NFATC3: variants seen among roughly 807,000 people sequenced by gnomAD.
NFATC3 encodes the protein nuclear factor of activated T cells 3.
Under a neutral mutation model 98.6 loss-of-function variants are expected in NFATC3, and 46 were observed. That is an observed-to-expected ratio of 0.47 (90% CI 0.37 to 0.60). The LOEUF is 0.60. Among genes scored for constraint, NFATC3 ranks in the 20% least tolerant of loss-of-function variants. The pLI is 0.00. For missense variants in NFATC3, 1,256 were observed against 1,295.5 expected, an observed-to-expected ratio of 0.97 and a Z score of 0.47; for synonymous variants, 512 against 472.2, an observed-to-expected ratio of 1.08 and a Z score of -1.09.
At chr16:68,141,849 A>G (rs998003910) in intron 3 of NFATC3, among the ~76,000 whole-genome samples, 3 of 151,824 alleles carry the variant, frequency 2.0e-5, no homozygotes, top group African/African-American at 7.3e-5. Flanking sequence ...GTTTTGTTAC[A>G]TTTGTTTTTG....
intron 1 of NFATC3, among the ~76,000 whole-genome samples, chr16:68,119,653 A>G (rs149467156): frequency 2.5e-4 from 38 of 152,238 alleles, no homozygotes; most frequent in African/African-American, 8.9e-4. Flanking sequence ...TTCTTCTGCT[A>G]TTTCCTCAAG....
chr16:68,161,458 AC>A (rs2038889699), intron 4 of NFATC3, among the ~76,000 whole-genome samples: 1 of 152,160 alleles, frequency 6.6e-6, no homozygotes, highest in Admixed American at 6.5e-5. Context: ...AATCTGAAAA[AC>A]CACTATTAAA....
At chr16:68,139,765 TA>T (rs2037646743) in intron 3 of NFATC3, among the ~76,000 whole-genome samples, 1 of 152,208 alleles carries the variant, frequency 6.6e-6, no homozygotes, top group African/African-American at 2.4e-5. Context: ...AGCAGTTTGC[TA>T]ATGTAGCTGG....
chr16:68,108,543 T>C (rs1479747527), intron 1 of NFATC3, among the ~76,000 whole-genome samples: 1 of 152,240 alleles, frequency 6.6e-6, no homozygotes. Flanking sequence ...TTGCTTAAGA[T>C]TGTTTTAGCT....
chr16:68,172,122 C>T (rs1042625615), intron 5 of NFATC3, among the ~76,000 whole-genome samples: 17 of 152,144 alleles, frequency 1.1e-4, no homozygotes, highest in Non-Finnish European at 1.9e-4. Context: ...CGTGAGCCAC[C>T]GCGCCTGGCC....
rs1222118290 is a variant in NFATC3, at chr16:68,226,867, A to G, written c.*396A>G. On this transcript the variant is annotated 3_prime_UTR_variant, in exon 10 of 10. Transcript: ENST00000346183. ...TTTAGTTTTTATGATAATTTTTAAA[A>G]TAGGAACTTTTGATAAGACCTTCTA... 6.9e-6 allele frequency: 1 copy of G among 144,800 alleles called. No individual in the cohort carries two copies. Among genetic ancestry groups the G allele is most frequent in the East Asian group, 2.1e-4 (1 of 4,746 alleles). 9.0% of individuals were successfully genotyped at this position (144,800 alleles called of 1,614,324 possible).
Position 68,110,399 on chromosome 16 carries a change from C to T in NFATC3, c.104-11588C>T, listed in dbSNP as rs184797539. Among the ~76,000 whole-genome samples, 247 of 151,500 alleles carry T rather than the reference C, an allele frequency of 1.6e-3. 1 individual carries two copies. The highest frequency in any genetic ancestry group is 6.8e-3 in the Middle Eastern group (2 of 294). On this transcript the variant is annotated intron_variant, in intron 1 of 9. Transcript: ENST00000346183. Reference sequence around the variant, plus strand: ...TCTCGGCTCACTGTAAGCTCCGCCTCCCGGGTTCATGCCATTCTCCTGCCT... The same window carrying T: ...TCTCGGCTCACTGTAAGCTCCGCCTTCCGGGTTCATGCCATTCTCCTGCCT...
At chr16:68,204,719 A>G (rs2041069893) in intron 9 of NFATC3, among the ~76,000 whole-genome samples, 1 of 152,242 alleles carries the variant, frequency 6.6e-6, no homozygotes, top group Admixed American at 6.5e-5. Flanking sequence ...CATGTGTAAG[A>G]TAGCAAAACC....
intron 3 of NFATC3, among the ~76,000 whole-genome samples, chr16:68,151,807 G>T (rs574825663): frequency 6.6e-6 from 1 of 152,072 alleles, no homozygotes; most frequent in Admixed American, 6.6e-5. Flanking sequence ...AGTGGCTCAC[G>T]CCTGTAATCC....
At chr16:68,117,682 T>C (rs886998237) in intron 1 of NFATC3, among the ~76,000 whole-genome samples, 1 of 152,084 alleles carries the variant, frequency 6.6e-6, no homozygotes, top group Non-Finnish European at 1.5e-5. Context: ...CTGGCTACTT[T>C]TTGTATTTTT....
intron 3 of NFATC3, among the ~76,000 whole-genome samples, chr16:68,143,624 A>C (rs1271184116): frequency 6.6e-6 from 1 of 152,174 alleles, no homozygotes; most frequent in Admixed American, 6.5e-5. Flanking sequence ...TGAGGCGGGC[A>C]GATGACCTGA....
intron 9 of NFATC3, among the ~76,000 whole-genome samples, chr16:68,224,126 TAAAAAAAAA>T (rs1174161190): frequency 2.8e-5 from 2 of 72,494 alleles, no homozygotes; most frequent in Admixed American, 1.4e-4. Context: ...TGCACCAGTT[TAAAAAAAAA>T]AAAAAAAAAA....
chr16:68,145,352 A>G (rs1003899910), intron 3 of NFATC3, among the ~76,000 whole-genome samples: 6 of 152,038 alleles, frequency 3.9e-5, no homozygotes, highest in African/African-American at 1.4e-4. Context: ...CATCTTGTCC[A>G]GGCAGGCTGG....
At chr16:68,187,506 A>C (rs548005624) in intron 8 of NFATC3, among the ~76,000 whole-genome samples, 1 of 152,128 alleles carries the variant, frequency 6.6e-6, no homozygotes, top group African/African-American at 2.4e-5. Flanking sequence ...TTTGAGCAAT[A>C]GAAGAGCTCA....
intron 1 of NFATC3, among the ~76,000 whole-genome samples, chr16:68,103,752 T>G (rs2035494603): frequency 6.6e-6 from 1 of 152,244 alleles, no homozygotes; most frequent in East Asian, 1.9e-4. Flanking sequence ...AACTTCATTC[T>G]TTTGCATGTG....
intron 9 of NFATC3, among the ~76,000 whole-genome samples, chr16:68,204,993 CTTTTTTTTT>C (rs993093946): frequency 1.6e-5 from 2 of 121,248 alleles, no homozygotes; most frequent in African/African-American, 6.1e-5. Flanking sequence ...ATGCCTGGCT[CTTTTTTTTT>C]TTTTTTTTTA....
chr16:68,187,117 C>T (rs578048977), intron 8 of NFATC3, among the ~76,000 whole-genome samples: 25 of 152,334 alleles, frequency 1.6e-4, no homozygotes, highest in African/African-American at 5.8e-4. Context: ...CAGCCAGGCA[C>T]GCTGGCTATG....
intron 1 of NFATC3, among the ~76,000 whole-genome samples, chr16:68,120,384 C>G (rs1276122362): frequency 6.6e-6 from 1 of 151,322 alleles, no homozygotes; most frequent in Non-Finnish European, 1.5e-5. Flanking sequence ...TTGAGACCAG[C>G]CTGGACAACA....
intron 1 of NFATC3, among the ~76,000 whole-genome samples, chr16:68,120,571 A>G (rs1422518155): frequency 2.1e-5 from 3 of 140,438 alleles, no homozygotes; most frequent in Non-Finnish European, 4.6e-5. Flanking sequence ...ACTCTGTCTC[A>G]GAAAAAAAAA....
Sources: allele counts gnomAD v4.1 joint callset (sites outside exome capture counted in the v4.1 genomes callset), GRCh38; gene constraint gnomAD v4.1.1; transcripts MANE v1.5; gene names NCBI Gene and HGNC (gene_info 2026-07-23, HGNC 2026-07-21).